Variants in ODAM observed in about 807,000 individuals in gnomAD.
The protein encoded by ODAM is odontogenic ameloblast-associated protein.
Under a neutral mutation model 48.5 loss-of-function variants are expected in ODAM, and 55 were observed. That is an observed-to-expected ratio of 1.13 (90% confidence interval 0.91 to 1.42). The LOEUF is 1.42. ODAM is among the 40% of genes most tolerant of loss of function. The probability of loss-of-function intolerance (pLI) is 0.00; values close to 1 mark genes in which losing one functional copy is unlikely to be tolerated. For missense variants in ODAM, 353 were observed against 323.6 expected, an observed-to-expected ratio of 1.09 and a Z score of -0.70; for synonymous variants, 127 against 107.8, an observed-to-expected ratio of 1.18 and a Z score of -1.10.
intron 6 of ODAM, chr4:70,200,247 T>C: frequency 2.4e-6 from 1 of 413,280 alleles, no homozygotes; most frequent in Non-Finnish European, 4.4e-6. Context: ...AAAGCTCTTC[T>C]GCTTAGTTCA....
rs1037798094 is a variant in ODAM, at chr4:70,204,521, T to G, written c.*376T>G. 1 of 151,994 alleles carries G rather than the reference T, an allele frequency of 6.6e-6. No individual in the cohort carries two copies. Among genetic ancestry groups the G allele is most frequent in the Non-Finnish European group, 1.5e-5 (1 of 67,982 alleles). 9.4% of individuals were successfully genotyped at this position (151,994 alleles called of 1,614,324 possible). A position where few individuals can be genotyped will look rare whatever the true frequency, so the allele number is the denominator to read the frequency against. On this transcript the variant is annotated 3_prime_UTR_variant, in exon 12 of 12. Transcript: ENST00000683306. ...TGAAGATATGTATATTGTCATTGGA[T>G]GTATGATGAGTGTTGTGATTGGAAC...
intron 11 of ODAM, 97 bp downstream of exon 11, chr4:70,203,311 C>T (rs1729549671): frequency 3.0e-6 from 2 of 661,228 alleles, no homozygotes; most frequent in Admixed American, 2.6e-5. Flanking sequence ...GGAGTTCTTA[C>T]CAAAGTAGTT....
At chr4:70,198,446 G>A (rs1367941229) in intron 5 of ODAM, 133 bp from the exon 6 acceptor site, 13 of 711,120 alleles carry the variant, frequency 1.8e-5, no homozygotes, top group African/African-American at 9.2e-5. Context: ...CACATGTAAC[G>A]GATGACTTTT....
At chr4:70,195,998 G>A (rs1383699416) in intron 1 of ODAM, among the ~76,000 whole-genome samples, 1 of 151,894 alleles carries the variant, frequency 6.6e-6, no homozygotes, top group Non-Finnish European at 1.5e-5. Flanking sequence ...ATAATCTATT[G>A]CCATAAATTA....
Position 70,200,487 on chromosome 4 carries a change from T to C in ODAM, c.424-10T>C. On this transcript the variant is annotated splice_polypyrimidine_tract_variant and intron_variant, in intron 6 of 11. Coordinates refer to ENST00000683306, the MANE Select transcript of ODAM (RefSeq NM_017855.4). ...TGGAATCTCTTGTATCCTTCTCTTTTTACAAGTAGATGTTTCAATACTATC... is the reference window on the plus strand; with the variant it reads ...TGGAATCTCTTGTATCCTTCTCTTTCTACAAGTAGATGTTTCAATACTATC... 6.7e-7 allele frequency: 1 copy of C among 1,489,224 alleles called. No individual in the cohort carries two copies. Among genetic ancestry groups the C allele is most frequent in the Non-Finnish European group, 9.3e-7 (1 of 1,071,898 alleles). 92.3% of individuals were successfully genotyped at this position (1,489,224 alleles called of 1,614,324 possible). A position where few individuals can be genotyped will look rare whatever the true frequency, so the allele number is the denominator to read the frequency against.
At chr4:70,200,694 T>C (rs1729476952) in intron 7 of ODAM, 93 bp downstream of exon 7, 1 of 735,290 alleles carries the variant, frequency 1.4e-6, no homozygotes. Context: ...TCTGAGTATA[T>C]TTAATGCAAA....
chr4:70,204,042 T>A (rs112674064), intron 11 of ODAM, 133 bp from the exon 12 acceptor site: 27 of 152,100 alleles, frequency 1.8e-4, no homozygotes, highest in African/African-American at 6.3e-4. Context: ...TTTTATGACC[T>A]TTTTTCTGTA....
chr4:70,202,936 C>A lies in ODAM; in HGVS notation c.810+19C>A. 6.3e-7 allele frequency: 1 copy of A among 1,584,534 alleles called. No individual in the cohort carries two copies. Among genetic ancestry groups the A allele is most frequent in the Non-Finnish European group, 8.6e-7 (1 of 1,168,404 alleles). ...AGAGAAGGTAGAGTCATGAAAACTTCACTTTATGCAAAAAAATTGTCTAAT... is the reference window on the plus strand; with the variant it reads ...AGAGAAGGTAGAGTCATGAAAACTTAACTTTATGCAAAAAAATTGTCTAAT... On this transcript the variant is annotated intron_variant, in intron 10 of 11. Coordinates refer to ENST00000683306, the MANE Select transcript of ODAM (RefSeq NM_017855.4).
chr4:70,202,705 G>T, intron 9 of ODAM, 51 bp from the exon 10 acceptor site: 5 of 1,426,822 alleles, frequency 3.5e-6, no homozygotes, highest in South Asian at 2.7e-5. Context: ...CCCAATTTTG[G>T]CCTTCTTGTT....
intron 6 of ODAM, among the ~76,000 whole-genome samples, chr4:70,198,949 G>A (rs1729438823): frequency 6.6e-6 from 1 of 151,982 alleles, no homozygotes; most frequent in African/African-American, 2.4e-5. Context: ...AAACTCAAGA[G>A]AAATACCATG....
intron 1 of ODAM, among the ~76,000 whole-genome samples, chr4:70,196,198 G>A (rs1363146408): frequency 2.0e-5 from 3 of 151,874 alleles, no homozygotes; most frequent in Non-Finnish European, 4.4e-5. Flanking sequence ...ATGGTCTGAT[G>A]GGCCTGCTCC....
chr4:70,202,779 T>C lies in ODAM; in HGVS notation c.672T>C (p.Tyr224=). 1 of 1,611,036 alleles carries C rather than the reference T, an allele frequency of 6.2e-7. No homozygotes were observed. The highest frequency in any genetic ancestry group is 1.7e-5 in the Admixed American group (1 of 59,614). ...AGTCAACAGGAGAAGAGATACCATA[T>C]TTACAAAAAGAAGCGATCAACTTTA... ...AVMSTGEEIP[Y]LQKEAINFRH... Residue 224 remains tyrosine, a synonymous_variant, in exon 10 of 12, where the codon TAT becomes TAC. Coordinates refer to ENST00000683306, the MANE Select transcript of ODAM (RefSeq NM_017855.4).
intron 8 of ODAM, among the ~76,000 whole-genome samples, chr4:70,201,729 G>C (rs536275126): frequency 1.3e-5 from 2 of 152,016 alleles, no homozygotes; most frequent in Non-Finnish European, 2.9e-5. Context: ...GCTTCTTTTA[G>C]GTAATTTGGG....
chr4:70,200,360 T>C, intron 6 of ODAM, 137 bp from the exon 7 acceptor site: 1 of 546,048 alleles, frequency 1.8e-6, no homozygotes, highest in South Asian at 2.5e-5. Flanking sequence ...GGATTCTTCA[T>C]CTATTTGCTT....
In ODAM at chr4:70,200,578, A is replaced by G. The variant is rs777521980; in HGVS notation, c.505A>G (p.Arg169Gly). The change falls in exon 7 of 12, where the codon AGA (arginine) becomes GGA (glycine). Residue 169 changes from arginine to glycine, a missense_variant. By Grantham distance (125) the Arg-to-Gly change is moderately radical. Transcript: ENST00000683306. ...AGTTCCAAGGTCACCTCAACAAACA[A>G]GACAGCAACAGTATGAGGAGCAGGT... is the stretch of plus-strand genomic sequence containing the variant. ...QTVPRSPQQT[R>G]QQQYEEQIPF... 8 of 1,609,882 alleles carry G rather than the reference A, an allele frequency of 5.0e-6. No individual in the cohort carries two copies. Among genetic ancestry groups the G allele is most frequent in the South Asian group, 2.2e-5 (2 of 90,926 alleles).
rs759383682 is a variant in ODAM, at chr4:70,197,948, C to A, written c.166C>A (p.Pro56Thr). ...LQGPLNSWIPPFSGILQQQQQ... is the reference protein window; with the variant it reads ...LQGPLNSWIPTFSGILQQQQQ... Reference sequence around the variant, plus strand: ...GGGCCCACTTAATTCATGGATTCCACCTTTCTCTGGAATTTTACAACAGCA... The same window carrying A: ...GGGCCCACTTAATTCATGGATTCCAACTTTCTCTGGAATTTTACAACAGCA... Residue 56 changes from proline (P) to threonine (T), a missense_variant, in exon 5 of 12, where the codon CCT becomes ACT. By Grantham distance (38) the Pro-to-Thr change is conservative. Coordinates refer to ENST00000683306, the MANE Select transcript of ODAM (RefSeq NM_017855.4). The A allele has an allele frequency of 6.2e-7, 1 of 1,613,078 alleles. No individual in the cohort carries two copies. Among genetic ancestry groups the A allele is most frequent in the Non-Finnish European group, 8.5e-7 (1 of 1,179,380 alleles).
At chr4:70,201,430 T>G in intron 7 of ODAM, 24 bp from the exon 8 acceptor site, 2 of 1,236,434 alleles carry the variant, frequency 1.6e-6, no homozygotes, top group Non-Finnish European at 2.3e-6. Flanking sequence ...GAAAATATAA[T>G]ACATTTTTTA....
intron 7 of ODAM, among the ~76,000 whole-genome samples, chr4:70,201,162 G>A (rs1437808889): frequency 6.6e-6 from 1 of 151,582 alleles, no homozygotes; most frequent in Non-Finnish European, 1.5e-5. Context: ...CTAAAACCTG[G>A]CATTACAAAT....
Position 70,197,926 on chromosome 4 carries a change from C to T in ODAM, c.144C>T (p.Gly48=). ...TTCTTTCCTTTGTGTCTTTTTAGGG[C>T]CCACTTAATTCATGGATTCCACCTT... ...NGQLLPLQLQ[G]PLNSWIPPFS... Residue 48 remains glycine, a splice_region_variant and synonymous_variant, in exon 5 of 12, where the codon GGC becomes GGT. Transcript: ENST00000683306. 8 of 1,611,444 alleles carry T rather than the reference C, an allele frequency of 5.0e-6. No individual in the cohort carries two copies. The highest frequency in any genetic ancestry group is 2.2e-5 in the South Asian group (2 of 90,938).
Sources: gnomAD v4.1 joint callset for allele counts (sites outside exome capture counted in the v4.1 genomes callset) on GRCh38, gnomAD v4.1.1 for gene constraint, MANE v1.5 for transcripts, NCBI Gene and HGNC (gene_info 2026-07-23, HGNC 2026-07-21) for gene names.